SYNPR: variants seen among roughly 807,000 people sequenced by gnomAD.
SYNPR encodes the protein synaptoporin.
A neutral mutation model predicts 32.9 loss-of-function variants in SYNPR; 23 were observed. The observed-to-expected ratio is 0.70, with a 90% CI of 0.50 to 0.99. SYNPR has a LOEUF of 0.99. Among genes scored for constraint, SYNPR ranks in the 50% least tolerant of loss-of-function variants. The pLI is 0.00. For missense variants in SYNPR, 318 were observed against 349.3 expected (o/e 0.91, Z 0.71); for synonymous variants, 146 against 135.9 (o/e 1.07, Z -0.52).
chr3:63,399,403 G>A (rs1207871154), intron 2 of SYNPR, among the ~76,000 whole-genome samples: 1 of 152,158 alleles, frequency 6.6e-6, no homozygotes, highest in Non-Finnish European at 1.5e-5. Flanking sequence ...GTGGCCTTGG[G>A]AAATAACTTT....
intron 2 of SYNPR, among the ~76,000 whole-genome samples, chr3:63,411,287 G>A (rs1433353351): frequency 6.6e-6 from 1 of 152,108 alleles, no homozygotes; most frequent in Non-Finnish European, 1.5e-5. Flanking sequence ...TGAACATATT[G>A]GTGTGGGTAG....
intron 2 of SYNPR, among the ~76,000 whole-genome samples, chr3:63,321,583 T>C (rs980175659): frequency 6.6e-6 from 1 of 152,116 alleles, no homozygotes; most frequent in Non-Finnish European, 1.5e-5. Context: ...TCCTTAAAAA[T>C]GGAGTCTGTA....
At chr3:63,538,758 A>G (rs568597235) in intron 3 of SYNPR, among the ~76,000 whole-genome samples, 187 of 152,188 alleles carry the variant, frequency 1.2e-3, no homozygotes, top group African/African-American at 4.2e-3. Context: ...CCAACCCATA[A>G]GCATAAGAGC....
intron 2 of SYNPR, among the ~76,000 whole-genome samples, chr3:63,431,570 G>T (rs2107145861): frequency 6.6e-6 from 1 of 152,266 alleles, no homozygotes; most frequent in Non-Finnish European, 1.5e-5. Context: ...CTGGTTTTTT[G>T]AAGGAAAAGT....
chr3:63,541,525 T>C (rs766724565), intron 3 of SYNPR, among the ~76,000 whole-genome samples: 2 of 152,136 alleles, frequency 1.3e-5, no homozygotes, highest in Non-Finnish European at 2.9e-5. Context: ...AGTTCTGGAA[T>C]AGTTACATAG....
At chr3:63,445,797 C>G (rs73849134) in intron 2 of SYNPR, among the ~76,000 whole-genome samples, 3 of 152,152 alleles carry the variant, frequency 2.0e-5, no homozygotes, top group African/African-American at 7.2e-5. Context: ...CTCTTCCTAC[C>G]TCCCATCTGT....
upstream of SYNPR, among the ~76,000 whole-genome samples, chr3:63,223,628 T>G (rs2086108447): frequency 6.6e-6 from 1 of 152,174 alleles, no homozygotes; most frequent in African/African-American, 2.4e-5. Context: ...TTTTAAAACA[T>G]AAATCATTTA....
intron 2 of SYNPR, among the ~76,000 whole-genome samples, chr3:63,416,084 A>G (rs987893442): frequency 6.6e-6 from 1 of 152,248 alleles, no homozygotes; most frequent in African/African-American, 2.4e-5. Flanking sequence ...ACTTAATTTG[A>G]CTGAGACTCT....
At chr3:63,544,275 C>G (rs1276988904) in intron 3 of SYNPR, among the ~76,000 whole-genome samples, 1 of 152,028 alleles carries the variant, frequency 6.6e-6, no homozygotes, top group Non-Finnish European at 1.5e-5. Context: ...CTATCCCCAG[C>G]TGATAAATAC....
At chr3:63,290,811 G>T (rs2086731285) in intron 2 of SYNPR, among the ~76,000 whole-genome samples, 1 of 152,102 alleles carries the variant, frequency 6.6e-6, no homozygotes, top group Non-Finnish European at 1.5e-5. Flanking sequence ...TCTGTTATTT[G>T]GAAGCATTTG....
At chr3:63,320,326 G>A (rs562366746) in intron 2 of SYNPR, among the ~76,000 whole-genome samples, 16 of 152,102 alleles carry the variant, frequency 1.1e-4, no homozygotes, top group African/African-American at 3.6e-4. Flanking sequence ...TCAGCATAAC[G>A]AGGCTTAGTC....
intron 3 of SYNPR, among the ~76,000 whole-genome samples, chr3:63,532,270 T>C (rs1702125978): frequency 6.6e-6 from 1 of 152,202 alleles, no homozygotes; most frequent in South Asian, 2.1e-4. Context: ...CATTGTCACC[T>C]AGCTACACGA....
intron 4 of SYNPR, among the ~76,000 whole-genome samples, chr3:63,559,213 C>A (rs1032512090): frequency 2.6e-5 from 4 of 151,748 alleles, no homozygotes; most frequent in Admixed American, 2.0e-4. Flanking sequence ...GTAGCAGGGA[C>A]TATAGGCGCA....
chr3:63,453,477 AG>A (rs1378329044), intron 2 of SYNPR, among the ~76,000 whole-genome samples: 1 of 152,184 alleles, frequency 6.6e-6, no homozygotes, highest in East Asian at 1.9e-4. Context: ...TGCCAAAAAT[AG>A]GGTGTCATAA....
chr3:63,237,641 T>C lies in SYNPR; in HGVS notation n.66+9261T>C, dbSNP rs2086209604. Reference sequence around the variant, plus strand: ...AATCCTACTGTGAACATTTTGTCTATTATGTTAGGGGACTCAAGGTCCTAG... The same window carrying C: ...AATCCTACTGTGAACATTTTGTCTACTATGTTAGGGGACTCAAGGTCCTAG... On this transcript the variant is annotated intron_variant and non_coding_transcript_variant, in intron 1 of 4. Coordinates refer to the SYNPR transcript ENST00000478456. Among the ~76,000 whole-genome samples the C allele has an allele frequency of 2.6e-5, 4 of 152,138 alleles. No individual in the cohort carries two copies. The South Asian group carries it at 8.3e-4, about 32-fold the overall frequency.
chr3:63,428,996 G>A (rs1392733846), intron 2 of SYNPR, among the ~76,000 whole-genome samples: 4 of 152,114 alleles, frequency 2.6e-5, no homozygotes, highest in Non-Finnish European at 4.4e-5. Context: ...GAATAATAGG[G>A]TCATTTTGTT....
upstream of SYNPR, among the ~76,000 whole-genome samples, chr3:63,273,480 T>G (rs2106911001): frequency 6.6e-6 from 1 of 152,290 alleles, no homozygotes; most frequent in African/African-American, 2.4e-5. Context: ...TAATGTATTA[T>G]TAGAGCCCTT....
At chr3:63,519,547 C>G (rs757225929) in intron 3 of SYNPR, among the ~76,000 whole-genome samples, 5 of 152,198 alleles carry the variant, frequency 3.3e-5, no homozygotes, top group African/African-American at 4.8e-5. Flanking sequence ...TTCAAGCCCT[C>G]CTTGACCCTC....
chr3:63,449,478 T>C lies in SYNPR; in HGVS notation c.85-31354T>C, dbSNP rs528404179. ...ATTATAAGATGTTAAGCAGCATCCC[T>C]GCCTTCTACCCACTATGTGTCAGTA... On this transcript the variant is annotated intron_variant, in intron 2 of 5. Transcript: ENST00000478300. 9.2e-5 allele frequency among the ~76,000 whole-genome samples: 14 copies of C among 152,292 alleles called. No homozygotes were observed. In the South Asian group the frequency reaches 2.9e-3, roughly 32 times the overall value.
Sources: gnomAD v4.1 joint callset for allele counts (sites outside exome capture counted in the v4.1 genomes callset) on GRCh38, gnomAD v4.1.1 for gene constraint, MANE v1.5 for transcripts, NCBI Gene and HGNC (gene_info 2026-07-23, HGNC 2026-07-21) for gene names.